The following AGBL4 variants were observed in gnomAD, a reference collection of about 807,000 sequenced individuals.
The protein encoded by AGBL4 is cytosolic carboxypeptidase 6.
In AGBL4, 58 loss-of-function variants were observed where a neutral mutation model predicts 66.4. The observed-to-expected ratio is 0.87, with a 90% CI of 0.71 to 1.09. AGBL4 has a LOEUF of 1.09. Among genes scored for constraint, AGBL4 ranks in the 50% least tolerant of loss-of-function variants. The probability of loss-of-function intolerance (pLI) is 0.00; values close to 1 mark genes in which losing one functional copy is unlikely to be tolerated. For synonymous variants in AGBL4, 234 were observed against 222.9 expected, an observed-to-expected ratio of 1.05 and a Z score of -0.44; for missense variants, 579 against 631.0, an observed-to-expected ratio of 0.92 and a Z score of 0.88.
At chr1:49,790,706 G>A (rs1644577748) in intron 2 of AGBL4, among the ~76,000 whole-genome samples, 1 of 152,034 alleles carries the variant, frequency 6.6e-6, no homozygotes, top group South Asian at 2.1e-4. Context: ...TTTTATATAA[G>A]CAAAAACAGA....
chr1:48,750,554 C>G (rs373361997), intron 6 of AGBL4, among the ~76,000 whole-genome samples: 3 of 152,206 alleles, frequency 2.0e-5, no homozygotes, highest in South Asian at 2.1e-4. Flanking sequence ...AAAGCTCACC[C>G]TGCATCCCAA....
intron 2 of AGBL4, among the ~76,000 whole-genome samples, chr1:49,757,073 G>A (rs1303206789): frequency 1.3e-5 from 2 of 152,014 alleles, no homozygotes; most frequent in Non-Finnish European, 2.9e-5. Flanking sequence ...AGATCATGGG[G>A]GCAGTTCCCT....
At chr1:49,084,408 C>T (rs541944384) in intron 4 of AGBL4, among the ~76,000 whole-genome samples, 15 of 152,290 alleles carry the variant, frequency 9.8e-5, no homozygotes, top group South Asian at 4.1e-4. Context: ...CACATGGCTG[C>T]GGAGTCCTCA....
chr1:49,702,415 C>T (rs1450695338), intron 2 of AGBL4, among the ~76,000 whole-genome samples: 4 of 151,942 alleles, frequency 2.6e-5, no homozygotes, highest in Non-Finnish European at 2.9e-5. Flanking sequence ...CACTTGATCC[C>T]GGGAGGCAGA....
intron 1 of AGBL4, among the ~76,000 whole-genome samples, chr1:50,011,581 C>G (rs1286233620): frequency 6.6e-6 from 1 of 152,124 alleles, no homozygotes; most frequent in African/African-American, 2.4e-5. Flanking sequence ...TATCTGCACT[C>G]CAATGTTTGT....
chr1:49,144,297 T>C (rs1314131131), intron 4 of AGBL4, among the ~76,000 whole-genome samples: 1 of 152,064 alleles, frequency 6.6e-6, no homozygotes, highest in Admixed American at 6.6e-5. Flanking sequence ...AGGGGCTATG[T>C]TGGAGGACTC....
chr1:48,995,277 C>T (rs905525379), intron 5 of AGBL4, among the ~76,000 whole-genome samples: 1 of 152,194 alleles, frequency 6.6e-6, no homozygotes, highest in African/African-American at 2.4e-5. Context: ...CTATCACAAC[C>T]TCTGGGCTTC....
At chr1:49,494,978 AT>A (rs1052035058) in intron 3 of AGBL4, among the ~76,000 whole-genome samples, 10 of 152,136 alleles carry the variant, frequency 6.6e-5, no homozygotes, top group African/African-American at 2.4e-4. Context: ...TTTAATTGTC[AT>A]TTTTTGTGGT....
chr1:49,887,864 T>C (rs778662123), intron 1 of AGBL4, among the ~76,000 whole-genome samples: 2 of 151,922 alleles, frequency 1.3e-5, no homozygotes, highest in African/African-American at 4.8e-5. Context: ...AATTAATCAA[T>C]GATAATAAGT....
At chr1:48,703,893 AC>A (rs1220423545) in intron 6 of AGBL4, among the ~76,000 whole-genome samples, 3 of 152,246 alleles carry the variant, frequency 2.0e-5, no homozygotes, top group Non-Finnish European at 2.9e-5. Flanking sequence ...ATAGATACAC[AC>A]CCATGCATTG....
intron 5 of AGBL4, among the ~76,000 whole-genome samples, chr1:49,021,889 C>CG (rs1663278788): frequency 6.6e-6 from 1 of 152,078 alleles, no homozygotes; most frequent in Admixed American, 6.6e-5. Context: ...TGGGTCCAAA[C>CG]TTTGTTTCAA....
intron 2 of AGBL4, among the ~76,000 whole-genome samples, chr1:49,812,863 A>C (rs1645132496): frequency 6.6e-6 from 1 of 152,176 alleles, no homozygotes. Context: ...TTGTCCCAAC[A>C]GTTCAAAGTC....
rs551093090 is a variant in AGBL4, at chr1:48,873,386, G to A, written c.595-6156C>T. Among the ~76,000 whole-genome samples the A allele has an allele frequency of 9.2e-5, 14 of 152,186 alleles. No homozygotes were observed. The East Asian group carries it at 1.4e-3, about 15-fold the overall frequency. On this transcript the variant is annotated intron_variant, in intron 5 of 13. Coordinates refer to ENST00000371839, the MANE Select transcript of AGBL4 (RefSeq NM_032785.4). ...GCTTGTTATTTGGCTCTTAACTCAC[G>A]CTACCTCTGCTGTAAAGCGTTGCTT...
intron 1 of AGBL4, among the ~76,000 whole-genome samples, chr1:49,971,091 A>G (rs1270073841): frequency 1.3e-5 from 2 of 152,204 alleles, no homozygotes; most frequent in Admixed American, 6.5e-5. Flanking sequence ...AACACATTAC[A>G]CTAGTTCCCC....
chr1:49,195,664 G>A (rs1647219481), intron 4 of AGBL4, among the ~76,000 whole-genome samples: 1 of 152,124 alleles, frequency 6.6e-6, no homozygotes. Flanking sequence ...TTTTCCGGGT[G>A]ATCTTGGACC....
intron 3 of AGBL4, among the ~76,000 whole-genome samples, chr1:49,610,166 T>G (rs1225418470): frequency 6.6e-6 from 1 of 152,138 alleles, no homozygotes; most frequent in African/African-American, 2.4e-5. Context: ...CCATTCCTCA[T>G]GTGAAGGAGG....
intron 4 of AGBL4, among the ~76,000 whole-genome samples, chr1:49,067,075 C>T (rs1294404723): frequency 1.3e-5 from 2 of 152,134 alleles, no homozygotes; most frequent in Admixed American, 6.5e-5. Flanking sequence ...GGCATCCTGA[C>T]CACGGTAAGA....
chr1:48,736,491 C>T lies in AGBL4; in HGVS notation c.635-73250G>A, dbSNP rs773880500. On this transcript the variant is annotated intron_variant, in intron 6 of 13. Transcript: ENST00000371839. This position sits in a 1 kb window ranked among gnomAD's most constrained non-coding sequence, Gnocchi z 4.0. ...GAACACCAGCACCTGTTTAGTCCGA[C>T]AGGAGGGCAGTGGGAGGCTTCTCTT... 1.3e-6 allele frequency: 2 copies of T among 1,573,924 alleles called. No individual in the cohort carries two copies. Among genetic ancestry groups the T allele is most frequent in the Non-Finnish European group, 1.7e-6 (2 of 1,145,326 alleles).
At chr1:49,489,525 G>A (rs963888114) in intron 3 of AGBL4, among the ~76,000 whole-genome samples, 3 of 151,808 alleles carry the variant, frequency 2.0e-5, no homozygotes, top group African/African-American at 2.4e-5. Context: ...CTGTGCAGAA[G>A]CTTTTTACAT....
Sources: allele counts gnomAD v4.1 joint callset (sites outside exome capture counted in the v4.1 genomes callset), GRCh38; gene constraint gnomAD v4.1.1; non-coding constraint Gnocchi (gnomAD v3.1); transcripts MANE v1.5; gene names NCBI Gene and HGNC (gene_info 2026-07-23, HGNC 2026-07-21).